Variants in MN1 observed in about 807,000 individuals in gnomAD.
The protein encoded by MN1 is MN1 proto-oncogene, transcriptional regulator.
In MN1, 19 loss-of-function variants were observed where a neutral mutation model predicts 86.9. The observed-to-expected ratio is 0.22, with a 90% CI of 0.15 to 0.32. MN1 has a LOEUF of 0.32. MN1 is among the 10% of genes least tolerant of loss of function. The pLI, the probability that MN1 is intolerant of heterozygous loss-of-function variation, is 1.00. For synonymous variants in MN1, 928 were observed against 849.6 expected (o/e 1.09, Z -1.60); for missense variants, 1,841 against 1,862.0 (o/e 0.99, Z 0.21).
In MN1 at chr22:27,797,467, C is replaced by T. The variant is rs1464999399; in HGVS notation, c.3077G>A (p.Gly1026Glu). ...LLLGDQPDLI[G>E]SLDGGAKSDS... ...CGACTTGGCCCCGCCGTCCAGGGAC[C>T]CAATGAGGTCCGGCTGATCCCCCAG... The change falls in exon 1 of 2, where the codon GGG (glycine) becomes GAG (glutamate). Residue 1026 changes from glycine (G) to glutamate (E), a missense_variant. Physicochemically the swap from Gly to Glu is moderately conservative, Grantham distance 98. Transcript: ENST00000302326. The T allele has an allele frequency of 1.2e-6, 2 of 1,600,284 alleles. No homozygotes were observed. The highest frequency in any genetic ancestry group is 1.7e-6 in the Non-Finnish European group (2 of 1,173,200).
Position 27,797,585 on chromosome 22 carries a change from C to G in MN1, c.2959G>C (p.Gly987Arg), listed in dbSNP as rs1293691250. The change falls in exon 1 of 2, where the codon GGG (glycine) becomes CGG (arginine). Residue 987 changes from glycine (G) to arginine (R), a missense_variant. Gly to Arg is a moderately radical substitution (Grantham distance 125, BLOSUM62 -2). Coordinates refer to ENST00000302326, the MANE Select transcript of MN1 (RefSeq NM_002430.3). Reference sequence around the variant, plus strand: ...CGCGTCTCGCCTGCGGAGCTTCCCCCGACGGCTGCGCCTGACGCTTGCTGC... The same window carrying G: ...CGCGTCTCGCCTGCGGAGCTTCCCCGGACGGCTGCGCCTGACGCTTGCTGC... ...GQQQASGAAV[G>R]GSSAGETRGA... 2.5e-6 allele frequency: 4 copies of G among 1,599,562 alleles called. No homozygotes were observed. The highest frequency in any genetic ancestry group is 3.4e-6 in the Non-Finnish European group (4 of 1,172,806).
intron 1 of MN1, among the ~76,000 whole-genome samples, chr22:27,753,405 G>A (rs1349364681): frequency 6.6e-6 from 1 of 152,136 alleles, no homozygotes; most frequent in African/African-American, 2.4e-5. Context: ...GGTGAAATGG[G>A]GATGATGTCA....
intron 1 of MN1, among the ~76,000 whole-genome samples, chr22:27,757,540 A>C (rs1932809169): frequency 6.6e-6 from 1 of 152,236 alleles, no homozygotes; most frequent in African/African-American, 2.4e-5. Flanking sequence ...TGTGGGCCTC[A>C]GCACACAATA....
chr22:27,784,076 C>T (rs1270586941), intron 1 of MN1, among the ~76,000 whole-genome samples: 1 of 152,224 alleles, frequency 6.6e-6, no homozygotes, highest in Non-Finnish European at 1.5e-5. Context: ...GAGAACTGCC[C>T]CTCAGAGGGT....
chr22:27,774,249 C>T (rs1932948177), intron 1 of MN1, among the ~76,000 whole-genome samples: 2 of 152,226 alleles, frequency 1.3e-5, no homozygotes, highest in South Asian at 4.1e-4. Flanking sequence ...CCAGACAGGG[C>T]AACAGAGGCC....
chr22:27,792,092 A>T (rs1264559572), intron 1 of MN1, among the ~76,000 whole-genome samples: 1 of 152,094 alleles, frequency 6.6e-6, no homozygotes, highest in African/African-American at 2.4e-5. Context: ...AAATTTAAAT[A>T]CCTCTGTCAG....
chr22:27,751,638 G>A (rs45514295), intron 1 of MN1, among the ~76,000 whole-genome samples: 2,243 of 152,270 alleles, frequency 0.015, 65 homozygotes, highest in African/African-American at 0.051. Flanking sequence ...CAACTCCAGG[G>A]GGGAAGGATG....
At chr22:27,772,933 C>T (rs975169091) in intron 1 of MN1, among the ~76,000 whole-genome samples, 2 of 151,620 alleles carry the variant, frequency 1.3e-5, no homozygotes, top group Non-Finnish European at 2.9e-5. Context: ...CTAGTGCCTG[C>T]ACTAGGCCCA....
rs1030865973 is a variant in MN1, at chr22:27,750,802, C to G, written c.*113G>C. The G allele has an allele frequency of 7.7e-6, 7 of 914,966 alleles. No individual in the cohort carries two copies. The highest frequency in any genetic ancestry group is 1.1e-5 in the Non-Finnish European group (7 of 640,114). 56.7% of individuals were successfully genotyped at this position (914,966 alleles called of 1,614,324 possible). ...TAGAGAAAAAAAAAAAACTCATCCACTCAGCAATAGTGGCCCTTTCAAATT... is the reference window on the plus strand; with the variant it reads ...TAGAGAAAAAAAAAAAACTCATCCAGTCAGCAATAGTGGCCCTTTCAAATT... On this transcript the variant is annotated 3_prime_UTR_variant, in exon 2 of 2. Coordinates refer to ENST00000302326, the MANE Select transcript of MN1 (RefSeq NM_002430.3).
In MN1 at chr22:27,800,889, A is replaced by T; in HGVS notation, c.-346T>A. 4.6e-5 allele frequency: 14 copies of T among 302,760 alleles called. No homozygotes were observed. Among genetic ancestry groups the T allele is most frequent in the East Asian group, 1.7e-4 (3 of 17,812 alleles). 18.8% of individuals were successfully genotyped at this position (302,760 alleles called of 1,614,324 possible). A position where few individuals can be genotyped will look rare whatever the true frequency, so the allele number is the denominator to read the frequency against. ...GCGGATGAACGGAGACAAAAAGTTA[A>T]GTGGGGGGAATGGGGAGGGAAGGGG... On this transcript the variant is annotated 5_prime_UTR_variant, in exon 1 of 2. Coordinates refer to ENST00000302326, the MANE Select transcript of MN1 (RefSeq NM_002430.3).
Position 27,800,338 on chromosome 22 carries a change from C to A in MN1, c.206G>T (p.Gly69Val), listed in dbSNP as rs758543225. 2.4e-5 allele frequency: 38 copies of A among 1,596,238 alleles called. No homozygotes were observed. Among genetic ancestry groups the A allele is most frequent in the Non-Finnish European group, 3.2e-5 (37 of 1,170,436 alleles). Residue 69 changes from glycine (G) to valine (V), a missense_variant, in exon 1 of 2, where the codon GGC becomes GTC. Transcript: ENST00000302326. ...PILGMNMEPY[G>V]FHARGHSELH... is the part of the protein sequence containing the mutation. ...CTCCGAGTGGCCGCGCGCGTGGAAGCCGTAGGGCTCCATGTTCATGCCCAA... is the reference window on the plus strand; with the variant it reads ...CTCCGAGTGGCCGCGCGCGTGGAAGACGTAGGGCTCCATGTTCATGCCCAA...
In MN1 at chr22:27,776,646, C is replaced by G. The variant is rs142991119; in HGVS notation, c.3781+20117G>C. On this transcript the variant is annotated intron_variant, in intron 1 of 1. Coordinates refer to ENST00000302326, the MANE Select transcript of MN1 (RefSeq NM_002430.3). ...TTGAAATTCAGTGGTTCTGGCCTCC[C>G]CACTTTTTGAGGTTTTTTTTTTCCT... Among the ~76,000 whole-genome samples, 501 of 152,094 alleles carry G rather than the reference C, an allele frequency of 3.3e-3. 3 individuals carry two copies. The highest frequency in any genetic ancestry group is 0.011 in the African/African-American group (472 of 41,494).
Position 27,797,535 on chromosome 22 carries a change from C to A in MN1, c.3009G>T (p.Lys1003Asn). ...TCCCCCAGGATGGCGACGTGAGCGC[C>A]TTTTCGTGGGGCGTCGGTGCCCCGC... The part of the protein sequence containing the change: ...ETRGAPTPHE[K>N]ALTSPSWGKG... The change falls in exon 1 of 2, where the codon AAG becomes AAT. Residue 1003 changes from lysine (K) to asparagine (N), a missense_variant. Transcript: ENST00000302326. The A allele has an allele frequency of 6.2e-7, 1 of 1,608,532 alleles. No individual in the cohort carries two copies. Among genetic ancestry groups the A allele is most frequent in the South Asian group, 1.1e-5 (1 of 90,692 alleles).
Position 27,797,364 on chromosome 22 carries a change from C to A in MN1, c.3180G>T (p.Ser1060=), listed in dbSNP as rs887838318. ...STSYANEDEV[S]SSSDNPQALV... ...GTGCCTGGGGGTTGTCAGAGCTGGA[C>A]GACACCTCGTCCTCATTGGCGTAGC... The change falls in exon 1 of 2, where the codon TCG becomes TCT. Residue 1060 remains serine (S), a synonymous_variant. Transcript: ENST00000302326. 2.5e-6 allele frequency: 4 copies of A among 1,609,978 alleles called. No individual in the cohort carries two copies. Among genetic ancestry groups the A allele is most frequent in the Non-Finnish European group, 2.5e-6 (3 of 1,179,902 alleles).
chr22:27,782,526 C>T (rs45512704), intron 1 of MN1, among the ~76,000 whole-genome samples: 2,309 of 152,314 alleles, frequency 0.015, 22 homozygotes, highest in Non-Finnish European at 0.025. Context: ...TTCACTGATG[C>T]CCTATATACG....
In MN1 at chr22:27,795,722, T is replaced by C. The variant is rs200988585; in HGVS notation, c.3781+1041A>G. ...ATACCTATATATACACCTATATATA[T>C]ACACACACACACACACACGCACTTT... On this transcript the variant is annotated intron_variant, in intron 1 of 1. Transcript: ENST00000302326. Among the ~76,000 whole-genome samples, 158 of 150,620 alleles carry C rather than the reference T, an allele frequency of 1.0e-3. 1 individual carries two copies. The highest frequency in any genetic ancestry group is 3.5e-3 in the Middle Eastern group (1 of 288).
chr22:27,799,946 C>A lies in MN1; in HGVS notation c.598G>T (p.Ala200Ser). ...GACGGCAGGCCGTGGAAGGAGGCGG[C>A]TCGGTTAGGGCTCTGGTCCAGCGGC... ...CLPLDQSPNR[A>S]ASFHGLPSSS... Residue 200 changes from alanine (A) to serine (S), a missense_variant, in exon 1 of 2, where the codon GCC (alanine) becomes TCC (serine). By Grantham distance (99) the Ala-to-Ser change is moderately conservative (BLOSUM62 1). Coordinates refer to ENST00000302326, the MANE Select transcript of MN1 (RefSeq NM_002430.3). 6.2e-7 allele frequency: 1 copy of A among 1,603,114 alleles called. No individual in the cohort carries two copies. Among genetic ancestry groups the A allele is most frequent in the South Asian group, 1.1e-5 (1 of 90,534 alleles).
rs1464486620 is a variant in MN1, at chr22:27,799,885, C to T, written c.659G>A (p.Arg220Gln). ...GACGGCTCCTTGGTTCGTCACCCTC[C>T]GTGGCTCCAGACTGTGGGAATCGGA... ...SGSDSHSLEPRRVTNQGAVDS... is the reference protein window; with the variant it reads ...SGSDSHSLEPQRVTNQGAVDS... Residue 220 changes from arginine to glutamine, a missense_variant, in exon 1 of 2, where the codon CGG (arginine) becomes CAG (glutamine). Coordinates refer to ENST00000302326, the MANE Select transcript of MN1 (RefSeq NM_002430.3). The T allele has an allele frequency of 6.2e-7, 1 of 1,603,088 alleles. No homozygotes were observed.
At chr22:27,790,858 C>G (rs531995622) in intron 1 of MN1, among the ~76,000 whole-genome samples, 1 of 152,288 alleles carries the variant, frequency 6.6e-6, no homozygotes, top group Non-Finnish European at 1.5e-5. Context: ...CAAAGTCACC[C>G]ACAGCCCAGG....
Sources: allele counts gnomAD v4.1 joint callset (sites outside exome capture counted in the v4.1 genomes callset), GRCh38; gene constraint gnomAD v4.1.1; transcripts MANE v1.5; gene names NCBI Gene and HGNC (gene_info 2026-07-23, HGNC 2026-07-21).